The following FA2H variants were observed in gnomAD, a reference collection of about 807,000 sequenced individuals.
FA2H encodes fatty acid alpha-hydroxylase.
Under a neutral mutation model 44.9 loss-of-function variants are expected in FA2H, and 22 were observed. The observed-to-expected ratio is 0.49, with a 90% CI of 0.35 to 0.70. The LOEUF (loss-of-function observed/expected upper bound fraction) is 0.70. Ranked by LOEUF, FA2H falls within the 30% of genes least tolerant of loss-of-function variation. The pLI is 0.01. For missense variants in FA2H, 501 were observed against 504.9 expected, an observed-to-expected ratio of 0.99 and a Z score of 0.07; for synonymous variants, 243 against 213.2, an observed-to-expected ratio of 1.14 and a Z score of -1.22.
chr16:74,766,024 T>C (rs1962802626), intron 1 of FA2H, among the ~76,000 whole-genome samples: 1 of 152,128 alleles, frequency 6.6e-6, no homozygotes, highest in Non-Finnish European at 1.5e-5. Flanking sequence ...AAGAATGTTA[T>C]CTGCTGGGTG....
At chr16:74,770,934 C>T (rs1452671653) in intron 1 of FA2H, among the ~76,000 whole-genome samples, 2 of 152,204 alleles carry the variant, frequency 1.3e-5, no homozygotes, top group Non-Finnish European at 2.9e-5. Flanking sequence ...GACTGGGTCC[C>T]TGGGTCCCTC....
At chr16:74,752,626 G>A (rs905748045) in intron 1 of FA2H, among the ~76,000 whole-genome samples, 1 of 152,180 alleles carries the variant, frequency 6.6e-6, no homozygotes, top group Non-Finnish European at 1.5e-5. Flanking sequence ...ATCCCCATGA[G>A]TGTCTCAGCC....
intron 6 of FA2H, among the ~76,000 whole-genome samples, chr16:74,714,707 A>T (rs1404658674): frequency 6.6e-6 from 1 of 152,204 alleles, no homozygotes; most frequent in African/African-American, 2.4e-5. Flanking sequence ...ACTAGCCCTT[A>T]GCCACACATG....
At chr16:74,714,986 A>G (rs997640179) in intron 6 of FA2H, among the ~76,000 whole-genome samples, 4 of 151,792 alleles carry the variant, frequency 2.6e-5, no homozygotes, top group African/African-American at 9.7e-5. Context: ...ACAGGCGCGC[A>G]CCACCATATC....
intron 2 of FA2H, among the ~76,000 whole-genome samples, chr16:74,730,458 AC>A (rs1345014327): frequency 2.0e-5 from 3 of 151,974 alleles, no homozygotes; most frequent in Non-Finnish European, 4.4e-5. Flanking sequence ...AGTCTCCTTG[AC>A]CTCAGCCCTT....
At chr16:74,767,730 G>A (rs1319248259) in intron 1 of FA2H, among the ~76,000 whole-genome samples, 1 of 152,232 alleles carries the variant, frequency 6.6e-6, no homozygotes, top group Admixed American at 6.5e-5. Flanking sequence ...ATGCTTCCCT[G>A]CAGATTCATT....
chr16:74,759,889 AT>A (rs1962675255), intron 1 of FA2H, among the ~76,000 whole-genome samples: 1 of 152,152 alleles, frequency 6.6e-6, no homozygotes, highest in Non-Finnish European at 1.5e-5. Flanking sequence ...ACTGATGGAC[AT>A]GGCACATTGC....
rs1962475111 is a variant in FA2H, at chr16:74,748,766, CGGGCGGGGGCTGG to C, written c.271-8664_271-8652del. Reference sequence around the variant, plus strand: ...CCGCGTGAAAGGAGGCAGTGTGCGGCGGGCGGGGGCTGGGGGCGGGGGCGCCGGCATAAAGGCA... The same window carrying C: ...CCGCGTGAAAGGAGGCAGTGTGCGGCGGGCGGGGGCGCCGGCATAAAGGCA... On this transcript the variant is annotated intron_variant, in intron 1 of 6. Transcript: ENST00000219368. Among the ~76,000 whole-genome samples the C allele has an allele frequency of 2.1e-5, 3 of 142,014 alleles. No homozygotes were observed. The South Asian group carries it at 7.9e-4, about 37-fold the overall frequency. The allele number at this position is 142,014 out of a possible 152,430, so 93.2% of individuals were successfully genotyped here. A position where few individuals can be genotyped will look rare whatever the true frequency, so the allele number is the denominator to read the frequency against.
intron 1 of FA2H, among the ~76,000 whole-genome samples, chr16:74,766,562 A>G (rs1391289104): frequency 6.6e-6 from 1 of 152,068 alleles, no homozygotes; most frequent in Non-Finnish European, 1.5e-5. Flanking sequence ...CCTGCCCAAG[A>G]GACTGCGACA....
intron 5 of FA2H, among the ~76,000 whole-genome samples, chr16:74,717,259 T>A (rs1343947104): frequency 6.6e-6 from 1 of 150,978 alleles, no homozygotes; most frequent in Non-Finnish European, 1.5e-5. Context: ...TGGTGAGGAG[T>A]CTGAGAAGAG....
rs573427714 is a variant in FA2H at position 74,770,167 on chromosome 16, T to C, written c.270+4319A>G. Among the ~76,000 whole-genome samples the C allele has an allele frequency of 2.0e-5, 3 of 152,288 alleles. No individual in the cohort carries two copies. In the South Asian group the frequency reaches 6.2e-4, roughly 32 times the overall value. Reference sequence around the variant, plus strand: ...GCACTCCCCTTCCCCAGCAAAAGCCTCCTGCTCCTCCAGAGACAGGGGGCT... The same window carrying C: ...GCACTCCCCTTCCCCAGCAAAAGCCCCCTGCTCCTCCAGAGACAGGGGGCT... On this transcript the variant is annotated intron_variant, in intron 1 of 6. Coordinates refer to ENST00000219368, the MANE Select transcript of FA2H (RefSeq NM_024306.5).
intron 1 of FA2H, among the ~76,000 whole-genome samples, chr16:74,743,689 C>T (rs1456953534): frequency 6.6e-6 from 1 of 152,182 alleles, no homozygotes; most frequent in Non-Finnish European, 1.5e-5. Flanking sequence ...CTTCTGCTCT[C>T]GGGTCCTAGG....
At position 74,774,747 on chromosome 16, in the gene FA2H, G is replaced by A. The variant is rs1962978611; in HGVS notation, c.9C>T (p.Pro3=). 5 of 1,310,262 alleles carry A rather than the reference G, an allele frequency of 3.8e-6. No homozygotes were observed. The African/African-American group carries it at 4.6e-5, about 12-fold the overall frequency. 81.2% of individuals were successfully genotyped at this position (1,310,262 alleles called of 1,614,324 possible). MA[P]APPPAASFSP... Reference sequence around the variant, plus strand: ...AGAAGGAGGCGGCGGGGGGCGGAGCGGGGGCCATGGCCGGAGACCGCAGCT... The same window carrying A: ...AGAAGGAGGCGGCGGGGGGCGGAGCAGGGGCCATGGCCGGAGACCGCAGCT... Residue 3 remains proline, a synonymous_variant, in exon 1 of 7, where the codon CCC becomes CCT. Coordinates refer to ENST00000219368, the MANE Select transcript of FA2H (RefSeq NM_024306.5).
intron 1 of FA2H, among the ~76,000 whole-genome samples, chr16:74,756,854 CA>C (rs899773440): frequency 3.4e-5 from 5 of 148,092 alleles, no homozygotes; most frequent in African/African-American, 7.5e-5. Flanking sequence ...CCCATCCCTC[CA>C]AAAAAAATTC....
intron 1 of FA2H, among the ~76,000 whole-genome samples, chr16:74,771,918 C>T (rs569533347): frequency 6.6e-6 from 1 of 152,010 alleles, no homozygotes; most frequent in South Asian, 2.1e-4. Flanking sequence ...GCAAATCTGA[C>T]CATGAACCCT....
Position 74,766,293 on chromosome 16 carries a change from A to G in FA2H, c.270+8193T>C, listed in dbSNP as rs142759700. On this transcript the variant is annotated intron_variant, in intron 1 of 6. Transcript: ENST00000219368. ...TAGCCTGGGGCCGGGGGAACACAGC[A>G]AGACTCTGTCTCAATAAAAAAAAAA... Among the ~76,000 whole-genome samples, 382 of 152,082 alleles carry G rather than the reference A, an allele frequency of 2.5e-3. 2 individuals are homozygous for G. Among genetic ancestry groups the G allele is most frequent in the African/African-American group, 8.6e-3 (355 of 41,464 alleles).
In FA2H at chr16:74,713,041, C is replaced by T. The variant is rs1784949774; in HGVS notation, c.*1149G>A. 6.6e-6 allele frequency: 1 copy of T among 152,558 alleles called. No homozygotes were observed. Among genetic ancestry groups the T allele is most frequent in the Non-Finnish European group, 1.5e-5 (1 of 68,030 alleles). The allele number at this position is 152,558 out of a possible 1,614,324, so 9.5% of individuals were successfully genotyped here. ...ACAACCGTAGTTTTGTATATTTATT[C>T]CAAAATCTTTAAATAGCTCCGCAGC... On this transcript the variant is annotated 3_prime_UTR_variant, in exon 7 of 7. Coordinates refer to ENST00000219368, the MANE Select transcript of FA2H (RefSeq NM_024306.5).
At chr16:74,749,281 G>A (rs1186801631) in intron 1 of FA2H, among the ~76,000 whole-genome samples, 1 of 152,188 alleles carries the variant, frequency 6.6e-6, no homozygotes, top group Non-Finnish European at 1.5e-5. Context: ...GACCGGCCAG[G>A]AGCTGAGCTC....
At chr16:74,718,165 C>T (rs560169715) in intron 5 of FA2H, among the ~76,000 whole-genome samples, 18 of 152,264 alleles carry the variant, frequency 1.2e-4, no homozygotes, top group South Asian at 2.1e-4. Flanking sequence ...CGAGATGAAC[C>T]GGATTAAGTT....
Sources: allele counts gnomAD v4.1 joint callset (sites outside exome capture counted in the v4.1 genomes callset), GRCh38; gene constraint gnomAD v4.1.1; transcripts MANE v1.5; gene names NCBI Gene and HGNC (gene_info 2026-07-23, HGNC 2026-07-21).